The following FRAS1 variants were observed in gnomAD, a reference collection of about 807,000 sequenced individuals.
The protein encoded by FRAS1 is extracellular matrix organizing protein FRAS1.
FRAS1 carries 290 observed loss-of-function variants against 435.2 expected under a neutral mutation model. The ratio of observed to expected loss-of-function variants is 0.67; its 90% CI spans 0.61 to 0.73. FRAS1 has a LOEUF of 0.73. Ranked by LOEUF, FRAS1 falls within the 30% of genes least tolerant of loss-of-function variation. The pLI is 0.00. For synonymous variants in FRAS1, 1,800 were observed against 1,851.0 expected (o/e 0.97, Z 0.71); for missense variants, 4,860 against 5,001.5 (o/e 0.97, Z 0.85).
intron 9 of FRAS1, among the ~76,000 whole-genome samples, chr4:78,274,635 T>G (rs571609622): frequency 2.0e-5 from 3 of 152,324 alleles, no homozygotes; most frequent in South Asian, 2.1e-4. Flanking sequence ...TGGAGTGAGT[T>G]TCTTAATCCT....
At position 78,369,910 on chromosome 4, in the gene FRAS1, T is replaced by C. The variant is rs1731429313; in HGVS notation, c.2795T>C (p.Leu932Pro). 2 of 1,613,914 alleles carry C rather than the reference T, an allele frequency of 1.2e-6. No individual in the cohort carries two copies. Among genetic ancestry groups the C allele is most frequent in the South Asian group, 2.2e-5 (2 of 91,060 alleles). The stretch of plus-strand genomic sequence containing the variant: ...TCCTGCCGAGATCCAAACAAGGTTC[T>C]GCTCTTTGGGGAATGTCAATACGAG... ...CTSCRDPNKV[L>P]LFGECQYESC... The change falls in exon 23 of 74, where the codon CTG becomes CCG. Residue 932 changes from leucine to proline, a missense_variant. Physicochemically the swap from Leu to Pro is moderately conservative, Grantham distance 98. Transcript: ENST00000512123.
chr4:78,112,106 A>G lies in FRAS1; in HGVS notation c.108+46090A>G, dbSNP rs1024015138. Among the ~76,000 whole-genome samples, 5 of 152,026 alleles carry G rather than the reference A, an allele frequency of 3.3e-5. No individual in the cohort carries two copies. In the East Asian group the frequency reaches 7.7e-4, roughly 23 times the overall value. ...GGAATGTGTTGCCCTTTTTTTCTGT[A>G]TTTTTCATATCATGAATCTAAATTT... On this transcript the variant is annotated intron_variant, in intron 2 of 73. Transcript: ENST00000512123.
chr4:78,114,385 A>G (rs1742983946), intron 2 of FRAS1, among the ~76,000 whole-genome samples: 1 of 152,136 alleles, frequency 6.6e-6, no homozygotes, highest in Non-Finnish European at 1.5e-5. Flanking sequence ...TGGTAGGTTG[A>G]TGGGGATGGC....
At position 78,278,681 on chromosome 4, in the gene FRAS1, A is replaced by T; in HGVS notation, c.1008A>T (p.Gly336=). ...ARDEELIHLD[G]KCCPECISRN... is the part of the protein sequence containing the mutation. ...ATGAAGAATTAATTCACTTAGATGG[A>T]AAGTGTTGTCCTGAATGCATTTCAA... The change falls in exon 10 of 74, where the codon GGA becomes GGT. Residue 336 remains glycine, a synonymous_variant. Coordinates refer to ENST00000512123, the MANE Select transcript of FRAS1 (RefSeq NM_025074.7). 2 of 1,604,756 alleles carry T rather than the reference A, an allele frequency of 1.2e-6. No homozygotes were observed.
chr4:78,310,921 G>A (rs895835120), intron 15 of FRAS1, among the ~76,000 whole-genome samples: 2 of 152,176 alleles, frequency 1.3e-5, no homozygotes, highest in Non-Finnish European at 2.9e-5. Flanking sequence ...GAAAAAACCA[G>A]CATAGCCTGT....
At chr4:78,380,329 T>C (rs187752697) in intron 27 of FRAS1, among the ~76,000 whole-genome samples, 64 of 113,806 alleles carry the variant, frequency 5.6e-4, no homozygotes, top group Non-Finnish European at 6.4e-4. Flanking sequence ...TTCTTCAACA[T>C]TGGGGCAATG....
At chr4:78,246,136 A>T (rs1391433458) in intron 4 of FRAS1, among the ~76,000 whole-genome samples, 1 of 152,226 alleles carries the variant, frequency 6.6e-6, no homozygotes, top group African/African-American at 2.4e-5. Flanking sequence ...AATAGAAATT[A>T]TGAAAATAGA....
intron 2 of FRAS1, among the ~76,000 whole-genome samples, chr4:78,114,494 C>T (rs1578132203): frequency 6.6e-6 from 1 of 150,472 alleles, no homozygotes; most frequent in African/African-American, 2.5e-5. Context: ...TTTGTATCCT[C>T]TTTTATTTCA....
intron 14 of FRAS1, among the ~76,000 whole-genome samples, chr4:78,287,204 C>G (rs1193581513): frequency 1.3e-5 from 2 of 152,078 alleles, no homozygotes; most frequent in Admixed American, 1.3e-4. Context: ...TTTAAACCAT[C>G]AGATCTCATG....
chr4:78,118,547 G>A (rs56069998), intron 2 of FRAS1, among the ~76,000 whole-genome samples: 7,551 of 152,142 alleles, frequency 0.05, 258 homozygotes, highest in Middle Eastern at 0.088. Context: ...CCTCACTGCC[G>A]CCTTGCAGTT....
intron 70 of FRAS1, among the ~76,000 whole-genome samples, chr4:78,527,198 T>G (rs1721562593): frequency 6.6e-6 from 1 of 152,164 alleles, no homozygotes. Context: ...TAGCTGTGGC[T>G]CAATATCCAC....
At chr4:78,259,739 T>G (rs1373039463) in intron 6 of FRAS1, among the ~76,000 whole-genome samples, 2 of 144,000 alleles carry the variant, frequency 1.4e-5, no homozygotes, top group East Asian at 4.4e-4. Flanking sequence ...ATTTTGGCTT[T>G]TGTTGCCGTT....
chr4:78,372,073 A>G (rs1388994131), intron 23 of FRAS1, among the ~76,000 whole-genome samples: 1 of 152,200 alleles, frequency 6.6e-6, no homozygotes, highest in Non-Finnish European at 1.5e-5. Flanking sequence ...TGACTATCCC[A>G]TAGGTGCTTA....
chr4:78,394,850 T>A (rs1479064059), intron 29 of FRAS1, among the ~76,000 whole-genome samples: 1 of 152,086 alleles, frequency 6.6e-6, no homozygotes, highest in Non-Finnish European at 1.5e-5. Context: ...GGGATATCTT[T>A]GCATTTATTT....
intron 23 of FRAS1, among the ~76,000 whole-genome samples, chr4:78,370,226 A>G (rs1258074499): frequency 6.6e-6 from 1 of 152,246 alleles, no homozygotes; most frequent in Non-Finnish European, 1.5e-5. Context: ...TAACAAGACC[A>G]GAGGTGGCAA....
In FRAS1 at chr4:78,481,867, G is replaced by C; in HGVS notation, c.8507G>C (p.Cys2836Ser). 6.2e-7 allele frequency: 1 copy of C among 1,613,924 alleles called. No individual in the cohort carries two copies. Among genetic ancestry groups the C allele is most frequent in the Non-Finnish European group, 8.5e-7 (1 of 1,179,848 alleles). ...CTCTCTACTTTCGCATCTGTCTGGTGTGCAACGCGGCCCTCAGACCCAGCT... is the reference window on the plus strand; with the variant it reads ...CTCTCTACTTTCGCATCTGTCTGGTCTGCAACGCGGCCCTCAGACCCAGCT... The part of the protein sequence containing the change: ...TDLSTFASVW[C>S]ATRPSDPASA... The change falls in exon 57 of 74, where the codon TGT becomes TCT. Residue 2836 changes from cysteine (C) to serine (S), a missense_variant. Cys to Ser is a moderately radical substitution (Grantham distance 112). Coordinates refer to ENST00000512123, the MANE Select transcript of FRAS1 (RefSeq NM_025074.7).
intron 58 of FRAS1, among the ~76,000 whole-genome samples, chr4:78,487,982 TAAAAG>T (rs1469661064): frequency 3.3e-5 from 5 of 152,124 alleles, no homozygotes; most frequent in Non-Finnish European, 5.9e-5. Flanking sequence ...ATTTGAGTTA[TAAAAG>T]AAGAGGCATC....
chr4:78,255,651 C>G (rs1725757536), intron 6 of FRAS1, among the ~76,000 whole-genome samples: 1 of 152,176 alleles, frequency 6.6e-6, no homozygotes, highest in African/African-American at 2.4e-5. Context: ...ATGGCAGATG[C>G]TCCAAAAATG....
intron 12 of FRAS1, among the ~76,000 whole-genome samples, 176 bp from the exon 13 acceptor site, chr4:78,284,229 A>ATTTTTTTTTTT (rs11453256): frequency 3.5e-3 from 283 of 80,530 alleles, no homozygotes; most frequent in Non-Finnish European, 4.8e-3. Context: ...ATTGGAATGT[A>ATTTTTTTTTTT]TTTTTTTTTT....
Sources: gnomAD v4.1 joint callset for allele counts (sites outside exome capture counted in the v4.1 genomes callset) on GRCh38, gnomAD v4.1.1 for gene constraint, MANE v1.5 for transcripts, NCBI Gene and HGNC (gene_info 2026-07-23, HGNC 2026-07-21) for gene names.